PCDHGA1: variants seen among roughly 807,000 people sequenced by gnomAD.
PCDHGA1 encodes protocadherin gamma-A1.
In PCDHGA1, 32 loss-of-function variants were observed where a neutral mutation model predicts 58.0. The ratio of observed to expected loss-of-function variants is 0.55; its 90% CI spans 0.42 to 0.74. The LOEUF (loss-of-function observed/expected upper bound fraction) is 0.74, where lower values mean the gene tolerates loss of function less well. Ranked by LOEUF, PCDHGA1 falls within the 30% of genes least tolerant of loss-of-function variation. The pLI is 0.00. For synonymous variants in PCDHGA1, 498 were observed against 501.1 expected (o/e 0.99, Z 0.08); for missense variants, 1,205 against 1,182.3 (o/e 1.02, Z -0.28).
At chr5:141,347,428 T>G (rs1195232524) in intron 1 of PCDHGA1, among the ~76,000 whole-genome samples, 2 of 152,046 alleles carry the variant, frequency 1.3e-5, no homozygotes, top group African/African-American at 2.4e-5. Context: ...GTACTGCGAT[T>G]AGAGGCATGA....
intron 1 of PCDHGA1, chr5:141,404,337 C>A (rs766940096): frequency 6.2e-6 from 10 of 1,613,902 alleles, no homozygotes; most frequent in Middle Eastern, 3.3e-4. Flanking sequence ...GTCTACCTCC[C>A]GGAAAACAAC....
intron 1 of PCDHGA1, among the ~76,000 whole-genome samples, chr5:141,353,006 A>G (rs1196529811): frequency 6.6e-6 from 1 of 152,160 alleles, no homozygotes; most frequent in African/African-American, 2.4e-5. Flanking sequence ...ACAAACAAAA[A>G]TTATATATTG....
intron 1 of PCDHGA1, chr5:141,433,169 C>T: frequency 6.2e-7 from 1 of 1,613,000 alleles, no homozygotes; most frequent in Non-Finnish European, 8.5e-7. Context: ...TAAAGACAGT[C>T]ATGGGTTAAT....
Position 141,491,498 on chromosome 5 carries a change from C to T in PCDHGA1, c.2422-3309C>T, listed in dbSNP as rs975297143. 2 of 1,614,102 alleles carry T rather than the reference C, an allele frequency of 1.2e-6. No homozygotes were observed. Among genetic ancestry groups the T allele is most frequent in the Non-Finnish European group, 1.7e-6 (2 of 1,180,018 alleles). ...TCCAGCCCCAACCTGCAGGTGAGCT[C>T]GGACGGCACGCTCAAGTACATGGAG... On this transcript the variant is annotated intron_variant, in intron 1 of 3. Transcript: ENST00000517417. The surrounding 1 kb of genome is among the most constrained non-coding windows in gnomAD (Gnocchi z 6.9).
chr5:141,345,021 A>C, intron 1 of PCDHGA1: 1 of 1,614,020 alleles, frequency 6.2e-7, no homozygotes, highest in East Asian at 2.2e-5. Flanking sequence ...TCTTCTTTCA[A>C]GAGCCAAGAT....
intron 1 of PCDHGA1, chr5:141,479,196 C>T (rs2099489838): frequency 2.0e-5 from 3 of 152,432 alleles, no homozygotes; most frequent in African/African-American, 7.2e-5. Context: ...TCAGAAAATA[C>T]AGAAAAGTAT....
chr5:141,408,201 C>T (rs1036342508), intron 1 of PCDHGA1: 4 of 1,548,914 alleles, frequency 2.6e-6, no homozygotes, highest in South Asian at 2.4e-5. Flanking sequence ...CCCGAGCGAA[C>T]GATGGGAGGG....
chr5:141,384,600 C>T, intron 1 of PCDHGA1: 1 of 1,614,248 alleles, frequency 6.2e-7, no homozygotes, highest in Non-Finnish European at 8.5e-7. Flanking sequence ...ACCCGGCCCT[C>T]CCCACAGATG....
In PCDHGA1 at chr5:141,332,019, C is replaced by T; in HGVS notation, c.1335C>T (p.Ile445=). ...ETHISLLVTD[I]NDNSPVFHQD... is the part of the protein sequence containing the mutation. The stretch of plus-strand genomic sequence containing the variant: ...ACATTTCACTACTAGTGACAGATAT[C>T]AATGACAACTCCCCAGTCTTCCATC... Residue 445 remains isoleucine (I), a synonymous_variant, in exon 1 of 4, where the codon ATC becomes ATT. Transcript: ENST00000517417. The surrounding 1 kb of genome is among the most constrained non-coding windows in gnomAD (Gnocchi z 4.6). The T allele has an allele frequency of 1.2e-6, 2 of 1,614,158 alleles. No individual in the cohort carries two copies. The highest frequency in any genetic ancestry group is 1.7e-6 in the Non-Finnish European group (2 of 1,180,022).
intron 1 of PCDHGA1, chr5:141,399,103 C>CA (rs755732381): frequency 6.2e-7 from 1 of 1,613,604 alleles, no homozygotes; most frequent in African/African-American, 1.3e-5. Context: ...ACTGGTTGCA[C>CA]AATGTACAGT....
chr5:141,366,145 C>A, intron 1 of PCDHGA1: 2 of 1,614,192 alleles, frequency 1.2e-6, no homozygotes, highest in Non-Finnish European at 1.7e-6. Context: ...CCTGGCTGTC[C>A]TACCGCCTGC....
chr5:141,375,213 G>T (rs778646849), intron 1 of PCDHGA1: 1 of 1,613,926 alleles, frequency 6.2e-7, no homozygotes, highest in Admixed American at 1.7e-5. Context: ...CGAGACTCTG[G>T]CCTGAATGGC....
intron 1 of PCDHGA1, among the ~76,000 whole-genome samples, chr5:141,442,609 TA>T (rs1238913928): frequency 6.6e-6 from 1 of 152,112 alleles, no homozygotes; most frequent in African/African-American, 2.4e-5. Flanking sequence ...GAGATCTCAG[TA>T]AAAAGCATTT....
rs753503057 is a variant in PCDHGA1 at position 141,400,154 on chromosome 5, T to A, written c.2421+67049T>A. 8 of 1,614,074 alleles carry A rather than the reference T, an allele frequency of 5.0e-6. 1 individual carries two copies. In the South Asian group the frequency reaches 6.6e-5, roughly 13 times the overall value. On this transcript the variant is annotated intron_variant, in intron 1 of 3. Coordinates refer to ENST00000517417, the MANE Select transcript of PCDHGA1 (RefSeq NM_018912.3). ...CTGCCGGATATCACTGACCGCCCTG[T>A]ACCCTCTGACCCCCAGGCTGAGCTG...
rs146358809 is a variant in PCDHGA1, at chr5:141,480,913, C to T, written c.2422-13894C>T. 4.1e-3 allele frequency among the ~76,000 whole-genome samples: 617 copies of T among 152,096 alleles called. 6 individuals are homozygous for T. Among genetic ancestry groups the T allele is most frequent in the Admixed American group, 0.011 (171 of 15,272 alleles). ...TGCAAACATTAGCTGGGCATGGTGG[C>T]GCATACCTGTAGTCCCAGCTACTCT... On this transcript the variant is annotated intron_variant, in intron 1 of 3. Transcript: ENST00000517417.
At chr5:141,351,310 C>A in intron 1 of PCDHGA1, 1 of 1,613,816 alleles carries the variant, frequency 6.2e-7, no homozygotes, top group Non-Finnish European at 8.5e-7. Context: ...CCTTCTCTAA[C>A]CAGATTCCAG....
rs766431596 is a variant in PCDHGA1 at position 141,422,883 on chromosome 5, C to T, written c.2422-71924C>T. The T allele has an allele frequency of 3.7e-6, 6 of 1,614,124 alleles. No homozygotes were observed. The African/African-American group carries it at 4.0e-5, about 11-fold the overall frequency. Reference sequence around the variant, plus strand: ...GCAGCAACGTGTCGCTGAGCCTGTTCGTGCTGGACCAGAACGACAATGCGC... The same window carrying T: ...GCAGCAACGTGTCGCTGAGCCTGTTTGTGCTGGACCAGAACGACAATGCGC... On this transcript the variant is annotated intron_variant, in intron 1 of 3. Transcript: ENST00000517417.
At chr5:141,396,033 C>G (rs191318626) in intron 1 of PCDHGA1, 2 of 152,280 alleles carry the variant, frequency 1.3e-5, no homozygotes, top group South Asian at 2.1e-4. Flanking sequence ...TATGTAAGAA[C>G]ATATTTCAAT....
chr5:141,359,844 A>C (rs1481453011), intron 1 of PCDHGA1, among the ~76,000 whole-genome samples: 1 of 152,184 alleles, frequency 6.6e-6, no homozygotes, highest in Non-Finnish European at 1.5e-5. Flanking sequence ...ACAAATGAAG[A>C]CTTTATAAAT....
Sources: gnomAD v4.1 joint callset for allele counts (sites outside exome capture counted in the v4.1 genomes callset) on GRCh38, gnomAD v4.1.1 for gene constraint, Gnocchi (gnomAD v3.1) non-coding constraint, MANE v1.5 for transcripts, NCBI Gene and HGNC (gene_info 2026-07-23, HGNC 2026-07-21) for gene names.